The following TOGARAM2 variants were observed in gnomAD, a reference collection of about 807,000 sequenced individuals.
TOGARAM2 encodes the protein TOG array regulator of axonemal microtubules protein 2.
Under a neutral mutation model 93.3 loss-of-function variants are expected in TOGARAM2, and 85 were observed. That is an observed-to-expected ratio of 0.91 (90% CI 0.76 to 1.09). The LOEUF (loss-of-function observed/expected upper bound fraction) is 1.09. Ranked by LOEUF, TOGARAM2 falls within the 50% of genes least tolerant of loss-of-function variation. The probability of loss-of-function intolerance (pLI) is 0.00; values close to 1 mark genes in which losing one functional copy is unlikely to be tolerated. For missense variants in TOGARAM2, 1,277 were observed against 1,334.5 expected (o/e 0.96, Z 0.67); for synonymous variants, 593 against 552.8 (o/e 1.07, Z -1.02).
intron 3 of TOGARAM2, 105 bp downstream of exon 3, chr2:28,998,358 A>G: frequency 1.4e-6 from 1 of 724,772 alleles, no homozygotes; most frequent in East Asian, 2.9e-5. Flanking sequence ...AGCAGGTGTT[A>G]TTTTTCCTGT....
At chr2:28,973,627 A>G (rs1169604227) in intron 1 of TOGARAM2, among the ~76,000 whole-genome samples, 1 of 151,816 alleles carries the variant, frequency 6.6e-6, no homozygotes, top group Non-Finnish European at 1.5e-5. Context: ...GGCTCAAGCA[A>G]TCCTCCTACC....
At chr2:29,037,901 G>A (rs1471061371) in intron 18 of TOGARAM2, among the ~76,000 whole-genome samples, 1 of 152,078 alleles carries the variant, frequency 6.6e-6, no homozygotes, top group African/African-American at 2.4e-5. Context: ...CATGGGCCTT[G>A]GATTTATTGG....
intron 3 of TOGARAM2, 111 bp from the exon 4 acceptor site, chr2:28,999,070 C>A: frequency 8.8e-7 from 1 of 1,139,432 alleles, no homozygotes; most frequent in Non-Finnish European, 1.2e-6. Flanking sequence ...GACTGGGTTT[C>A]ACCAGGCAAG....
Position 29,052,123 on chromosome 2 carries a change from T to TA in TOGARAM2, c.*31dup. 6.7e-7 allele frequency: 1 copy of TA among 1,491,188 alleles called. No individual in the cohort carries two copies. Among genetic ancestry groups the TA allele is most frequent in the Non-Finnish European group, 8.9e-7 (1 of 1,117,926 alleles). 92.4% of individuals were successfully genotyped at this position (1,491,188 alleles called of 1,614,324 possible). On this transcript the variant is annotated 3_prime_UTR_variant, in exon 20 of 20. Coordinates refer to ENST00000379558, the MANE Select transcript of TOGARAM2 (RefSeq NM_199280.4). ...GGATCTGAAATGGGCAATTATTATT[T>TA]ATCTTATTTTTTTGATGGACTATTC...
At chr2:28,994,633 A>G in intron 1 of TOGARAM2, 92 bp from the exon 2 acceptor site, 2 of 502,360 alleles carry the variant, frequency 4.0e-6, no homozygotes, top group Middle Eastern at 2.9e-4. Flanking sequence ...CTTCATGACA[A>G]TAATGCTTTA....
intron 1 of TOGARAM2, 28 bp from the exon 2 acceptor site, chr2:28,994,697 G>T: frequency 1.3e-6 from 1 of 795,128 alleles, no homozygotes; most frequent in South Asian, 1.7e-5. Flanking sequence ...TGCTTTTACT[G>T]ACTTCTCCTT....
chr2:29,031,105 C>G (rs1665743179), intron 14 of TOGARAM2, among the ~76,000 whole-genome samples: 1 of 152,222 alleles, frequency 6.6e-6, no homozygotes, highest in African/African-American at 2.4e-5. Flanking sequence ...CAATGACAGG[C>G]ATTTCACAGT....
intron 1 of TOGARAM2, among the ~76,000 whole-genome samples, chr2:28,963,562 A>T (rs1259110882): frequency 6.6e-6 from 1 of 152,096 alleles, no homozygotes; most frequent in Non-Finnish European, 1.5e-5. Context: ...TTTTTTGTAG[A>T]GATGAGGTCT....
chr2:28,960,850 C>T (rs918678051), intron 1 of TOGARAM2, among the ~76,000 whole-genome samples: 2 of 152,166 alleles, frequency 1.3e-5, no homozygotes, highest in East Asian at 3.8e-4. Context: ...AATTTTATGT[C>T]ATTCTCACTA....
chr2:29,033,343 A>T (rs567532194), intron 15 of TOGARAM2, 126 bp from the exon 16 acceptor site: 35 of 914,070 alleles, frequency 3.8e-5, no homozygotes, highest in African/African-American at 3.3e-4. Context: ...GGAAGGCTCA[A>T]CTGTGACATC....
At chr2:28,994,058 C>T (rs1672869569) in intron 1 of TOGARAM2, among the ~76,000 whole-genome samples, 2 of 152,196 alleles carry the variant, frequency 1.3e-5, no homozygotes, top group African/African-American at 4.8e-5. Flanking sequence ...TTGTGTGAAG[C>T]TGCAGAGTGT....
intron 15 of TOGARAM2, 145 bp from the exon 16 acceptor site, chr2:29,033,324 C>T: frequency 6.3e-6 from 5 of 796,812 alleles, no homozygotes; most frequent in South Asian, 3.5e-5. Flanking sequence ...CAGCTGCTTT[C>T]AGGGCTCTGG....
rs538870623 is a variant in TOGARAM2 at position 29,039,464 on chromosome 2, C to T, written c.2635+2707C>T. Among the ~76,000 whole-genome samples the T allele has an allele frequency of 5.6e-4, 86 of 152,226 alleles. 1 individual carries two copies. The South Asian group carries it at 0.011, about 20-fold the overall frequency. On this transcript the variant is annotated intron_variant, in intron 18 of 19. Transcript: ENST00000379558. Reference sequence around the variant, plus strand: ...TAAAGTCCAGATGGCACAGCCAAGTCGGGAGGATGGCCTTCTTGGGGGGAC... The same window carrying T: ...TAAAGTCCAGATGGCACAGCCAAGTTGGGAGGATGGCCTTCTTGGGGGGAC...
chr2:28,982,887 A>G (rs1672271647), intron 1 of TOGARAM2, among the ~76,000 whole-genome samples: 1 of 152,214 alleles, frequency 6.6e-6, no homozygotes. Context: ...CCCTGTCCTT[A>G]TCACAGCTGC....
At chr2:29,001,780 C>T (rs1455532163) in intron 4 of TOGARAM2, among the ~76,000 whole-genome samples, 2 of 152,188 alleles carry the variant, frequency 1.3e-5, no homozygotes, top group African/African-American at 4.8e-5. Flanking sequence ...CAGGCGTGAG[C>T]CACTGCGCCT....
At chr2:29,013,928 G>A (rs1319235771) in intron 7 of TOGARAM2, among the ~76,000 whole-genome samples, 6 of 152,218 alleles carry the variant, frequency 3.9e-5, no homozygotes, top group Admixed American at 3.9e-4. Context: ...AAATGAGACT[G>A]GACTAGTGTT....
intron 1 of TOGARAM2, among the ~76,000 whole-genome samples, chr2:28,973,358 T>C (rs111689162): frequency 6.9e-6 from 1 of 144,550 alleles, no homozygotes; most frequent in African/African-American, 2.6e-5. Context: ...TTCCCTTCCT[T>C]CTTTCCTCCT....
intron 18 of TOGARAM2, among the ~76,000 whole-genome samples, chr2:29,044,289 C>A (rs1014218896): frequency 1.3e-5 from 2 of 152,200 alleles, no homozygotes. Context: ...ATAAACTCAG[C>A]CATCTTTGCA....
intron 6 of TOGARAM2, among the ~76,000 whole-genome samples, chr2:29,010,161 G>A (rs537466899): frequency 2.0e-5 from 3 of 152,218 alleles, no homozygotes; most frequent in African/African-American, 7.2e-5. Context: ...CAGGCAGCCT[G>A]GGACCTCCAT....
Sources: gnomAD v4.1 joint callset for allele counts (sites outside exome capture counted in the v4.1 genomes callset) on GRCh38, gnomAD v4.1.1 for gene constraint, MANE v1.5 for transcripts, NCBI Gene and HGNC (gene_info 2026-07-23, HGNC 2026-07-21) for gene names.